The following ZNF91 variants were observed in gnomAD, a reference collection of about 807,000 sequenced individuals.
ZNF91 encodes zinc finger protein 91 (HPF7, HTF10).
A neutral mutation model predicts 12.6 loss-of-function variants in ZNF91; 7 were observed. That is an observed-to-expected ratio of 0.55 (90% CI 0.31 to 1.04). The LOEUF (loss-of-function observed/expected upper bound fraction) is 1.04, where lower values mean the gene tolerates loss of function less well. Among genes scored for constraint, ZNF91 ranks in the 50% least tolerant of loss-of-function variants. The probability of loss-of-function intolerance (pLI) is 0.05; values close to 1 mark genes in which losing one functional copy is unlikely to be tolerated. For synonymous variants in ZNF91, 453 were observed against 462.6 expected (o/e 0.98, Z 0.27); for missense variants, 1,217 against 1,385.4 (o/e 0.88, Z 1.93).
At chr19:23,385,830 T>C (rs191845181) in intron 1 of ZNF91, among the ~76,000 whole-genome samples, 62 of 152,304 alleles carry the variant, frequency 4.1e-4, no homozygotes, top group Non-Finnish European at 7.9e-4. Flanking sequence ...TTGTAGTTCT[T>C]ATATATCCCT....
chr19:23,345,068 C>G (rs1968195277), intron 3 of ZNF91, among the ~76,000 whole-genome samples: 1 of 152,202 alleles, frequency 6.6e-6, no homozygotes, highest in Non-Finnish European at 1.5e-5. Context: ...AATGTTGGCC[C>G]AAGAAGGCTC....
At chr19:23,315,838 G>C (rs778766344) in intron 1 of ZNF91, among the ~76,000 whole-genome samples, 3 of 152,070 alleles carry the variant, frequency 2.0e-5, no homozygotes, top group Non-Finnish European at 2.9e-5. Flanking sequence ...AAGTATTGTA[G>C]GAAATTTTTG....
At chr19:23,375,391 C>T (rs910807741) in intron 1 of ZNF91, among the ~76,000 whole-genome samples, 1 of 152,104 alleles carries the variant, frequency 6.6e-6, no homozygotes, top group Admixed American at 6.5e-5. Flanking sequence ...GATCTCCTGA[C>T]CTCGTGATCC....
intron 3 of ZNF91, chr19:23,340,026 G>A (rs980807790): frequency 6.6e-6 from 1 of 151,334 alleles, no homozygotes; most frequent in Admixed American, 6.6e-5. Context: ...AATAAAACCT[G>A]TGAGATACAT....
At chr19:23,315,294 C>G (rs1967536708), upstream of ZNF91, among the ~76,000 whole-genome samples, 1 of 152,146 alleles carries the variant, frequency 6.6e-6, no homozygotes, top group Non-Finnish European at 1.5e-5. Flanking sequence ...TGGGCCCTGC[C>G]AACAGAAGGC....
chr19:23,366,527 C>T (rs75053081), intron 3 of ZNF91, among the ~76,000 whole-genome samples: 3,852 of 152,182 alleles, frequency 0.025, 167 homozygotes, highest in African/African-American at 0.088. Context: ...TATTAAAAAA[C>T]CAAGTTTATT....
At chr19:23,365,552 CACAG>C (rs1968967642) in intron 3 of ZNF91, among the ~76,000 whole-genome samples, 1 of 150,244 alleles carries the variant, frequency 6.7e-6, no homozygotes, top group Admixed American at 6.7e-5. Flanking sequence ...AATGTAAATA[CACAG>C]ACAAATATAG....
rs774630804 is a variant in ZNF91 at position 23,361,712 on chromosome 19, T to G, written c.1267A>C (p.Ile423Leu). 28 of 1,610,594 alleles carry G rather than the reference T, an allele frequency of 1.7e-5. No homozygotes were observed. In the South Asian group the frequency reaches 2.4e-4, roughly 14 times the overall value. Residue 423 changes from isoleucine to leucine, a missense_variant, in exon 4 of 4, where the codon ATA (isoleucine) becomes CTA (leucine). Ile to Leu is a conservative substitution (Grantham distance 5). Coordinates refer to ENST00000300619, the MANE Select transcript of ZNF91 (RefSeq NM_003430.4). ...TCTCCAGTATGAATAAACTTATGTA[T>G]AGTAAGATTTGAAGATCGATTAAAA... ...KAFNRSSNLT[I>L]HKFIHTGEKP... is the part of the protein sequence containing the mutation.
At chr19:23,312,002 C>T (rs891015324), upstream of ZNF91, among the ~76,000 whole-genome samples, 1 of 151,976 alleles carries the variant, frequency 6.6e-6, no homozygotes, top group Non-Finnish European at 1.5e-5. Flanking sequence ...TGTGACATAT[C>T]GTTAGGCCCA....
chr19:23,336,781 G>C (rs751903823), downstream of ZNF91, among the ~76,000 whole-genome samples: 8 of 151,970 alleles, frequency 5.3e-5, no homozygotes, highest in East Asian at 1.9e-4. Context: ...ATTCATTTTT[G>C]TTTTTGTTGA....
At chr19:23,313,508 T>A (rs756380154), upstream of ZNF91, among the ~76,000 whole-genome samples, 7 of 152,182 alleles carry the variant, frequency 4.6e-5, no homozygotes, top group Non-Finnish European at 8.8e-5. Context: ...CTCCTTCATG[T>A]TCCTTGCTAA....
intron 3 of ZNF91, among the ~76,000 whole-genome samples, chr19:23,345,920 G>T (rs546234701): frequency 1.3e-5 from 2 of 151,876 alleles, no homozygotes; most frequent in Non-Finnish European, 2.9e-5. Context: ...ATCCTCCACT[G>T]CCTGTTAACT....
At chr19:23,387,808 T>C (rs1346281338) in intron 1 of ZNF91, among the ~76,000 whole-genome samples, 1 of 151,360 alleles carries the variant, frequency 6.6e-6, no homozygotes, top group East Asian at 2.0e-4. Flanking sequence ...GGCATGGTGG[T>C]GGTGGGCATC....
intron 3 of ZNF91, chr19:23,339,942 C>CAAAAAAA (rs71163488): frequency 1.0e-5 from 1 of 98,184 alleles, no homozygotes; most frequent in Non-Finnish European, 2.2e-5. Context: ...AAACCTATCT[C>CAAAAAAA]AAAAAAAAAA....
chr19:23,307,230 A>G (rs879913272), intron 3 of ZNF91: 2 of 152,182 alleles, frequency 1.3e-5, no homozygotes, highest in Non-Finnish European at 2.9e-5. Flanking sequence ...TTGTGATGTG[A>G]GTCCCCTGCC....
chr19:23,373,176 G>A (rs1387098415), intron 3 of ZNF91, among the ~76,000 whole-genome samples: 1 of 151,918 alleles, frequency 6.6e-6, no homozygotes, highest in African/African-American at 2.4e-5. Context: ...ACAAGTGTTT[G>A]CTCCTTCTTT....
intron 1 of ZNF91, among the ~76,000 whole-genome samples, chr19:23,318,414 T>C (rs1238002557): frequency 1.3e-5 from 2 of 152,208 alleles, no homozygotes; most frequent in African/African-American, 4.8e-5. Flanking sequence ...GTGACTCTTC[T>C]ATTCTTTTTA....
intron 3 of ZNF91, chr19:23,339,921 G>A (rs1005671896): frequency 1.4e-5 from 2 of 146,168 alleles, no homozygotes; most frequent in Non-Finnish European, 3.0e-5. Flanking sequence ...TCCAGCCTGG[G>A]TGACAGTGTA....
chr19:23,368,380 C>A (rs1232159560), intron 3 of ZNF91, among the ~76,000 whole-genome samples: 1 of 123,892 alleles, frequency 8.1e-6, no homozygotes, highest in Non-Finnish European at 2.0e-5. Flanking sequence ...CCAGGCGGGG[C>A]GGCACGTGCC....
Sources: allele counts gnomAD v4.1 joint callset (sites outside exome capture counted in the v4.1 genomes callset), GRCh38; gene constraint gnomAD v4.1.1; transcripts MANE v1.5; gene names NCBI Gene and HGNC (gene_info 2026-07-23, HGNC 2026-07-21).